FER: variants seen among roughly 807,000 people sequenced by gnomAD.
FER encodes the protein tyrosine-protein kinase Fer.
In FER, 63 loss-of-function variants were observed where a neutral mutation model predicts 111.0. The observed-to-expected ratio is 0.57, with a 90% CI of 0.46 to 0.70. The LOEUF is 0.70. Ranked by LOEUF, FER falls within the 30% of genes least tolerant of loss-of-function variation. FER has a pLI of 0.00. For missense variants in FER, 914 were observed against 954.0 expected, an observed-to-expected ratio of 0.96 and a Z score of 0.55; for synonymous variants, 327 against 313.9, an observed-to-expected ratio of 1.04 and a Z score of -0.44.
At chr5:108,974,826 G>T (rs1271699204) in intron 13 of FER, among the ~76,000 whole-genome samples, 2 of 152,194 alleles carry the variant, frequency 1.3e-5, no homozygotes, top group African/African-American at 4.8e-5. Context: ...GCAAGAAATA[G>T]ATTATTTCCT....
At chr5:108,918,789 G>A (rs1452694781) in intron 10 of FER, among the ~76,000 whole-genome samples, 3 of 152,102 alleles carry the variant, frequency 2.0e-5, no homozygotes, top group Non-Finnish European at 4.4e-5. Flanking sequence ...GCCCCGCCTT[G>A]GACTGGGTGT....
In FER at chr5:109,055,860, A is replaced by AAC. The variant is rs1443511429; in HGVS notation, c.1924+8663_1924+8664insCA. 1.1e-3 allele frequency among the ~76,000 whole-genome samples: 174 copies of AAC among 151,334 alleles called. 2 individuals carry two copies. The highest frequency in any genetic ancestry group is 4.1e-3 in the African/African-American group (170 of 41,376). On this transcript the variant is annotated intron_variant, in intron 16 of 19. Coordinates refer to ENST00000281092, the MANE Select transcript of FER (RefSeq NM_005246.4). ...GAGCAAAACATTGTCTCAAAAAAAA[A>AAC]AAAAAACCCAAAAAACAAAAACAAA...
chr5:108,816,632 A>G (rs1025575824), intron 3 of FER, among the ~76,000 whole-genome samples: 2 of 152,044 alleles, frequency 1.3e-5, no homozygotes, highest in African/African-American at 4.8e-5. Flanking sequence ...TGTGGTTTTT[A>G]TTCTGTAATT....
intron 1 of FER, among the ~76,000 whole-genome samples, chr5:108,750,282 T>G (rs1750324040): frequency 6.6e-6 from 1 of 150,974 alleles, no homozygotes; most frequent in Non-Finnish European, 1.5e-5. Flanking sequence ...AAAAAAAAAC[T>G]ATTGCAAAAT....
intron 17 of FER, among the ~76,000 whole-genome samples, chr5:109,123,152 G>T (rs1751211975): frequency 4.0e-5 from 5 of 125,330 alleles, no homozygotes; most frequent in East Asian, 2.1e-4. Flanking sequence ...CTTCCTTCCT[G>T]TCTTGTTTTT....
intron 17 of FER, among the ~76,000 whole-genome samples, chr5:109,107,614 C>T (rs1191045908): frequency 6.6e-6 from 1 of 152,090 alleles, no homozygotes; most frequent in Non-Finnish European, 1.5e-5. Flanking sequence ...TTTCCTTTAT[C>T]ATAAGGAAAG....
At chr5:109,173,401 G>A (rs2126810883) in intron 17 of FER, among the ~76,000 whole-genome samples, 1 of 152,356 alleles carries the variant, frequency 6.6e-6, no homozygotes, top group Middle Eastern at 3.4e-3. Context: ...CAATGGTTGA[G>A]GCATCCAAGC....
intron 1 of FER, among the ~76,000 whole-genome samples, chr5:108,761,304 C>G (rs1041603496): frequency 6.6e-6 from 1 of 152,046 alleles, no homozygotes; most frequent in South Asian, 2.1e-4. Flanking sequence ...TGCAACTATT[C>G]CTTTTATTTG....
chr5:109,039,206 G>A (rs1195354992), intron 14 of FER, among the ~76,000 whole-genome samples: 2 of 146,112 alleles, frequency 1.4e-5, no homozygotes, highest in Non-Finnish European at 3.1e-5. Flanking sequence ...TGGCAGGAAC[G>A]CTGAGGGTTT....
At chr5:109,028,898 C>G (rs1035319856) in intron 13 of FER, among the ~76,000 whole-genome samples, 1 of 147,408 alleles carries the variant, frequency 6.8e-6, no homozygotes, top group Non-Finnish European at 1.5e-5. Context: ...TGATCACATA[C>G]CTGTTAACAT....
chr5:108,752,050 C>T (rs775150517), intron 1 of FER, among the ~76,000 whole-genome samples: 1 of 151,864 alleles, frequency 6.6e-6, no homozygotes, highest in African/African-American at 2.4e-5. Context: ...TACTATTTTT[C>T]CAAATTTCAT....
intron 13 of FER, among the ~76,000 whole-genome samples, chr5:109,003,234 T>C (rs1765041930): frequency 6.6e-6 from 1 of 152,154 alleles, no homozygotes; most frequent in Admixed American, 6.5e-5. Context: ...CCAACAATGA[T>C]AGACTGGATT....
intron 1 of FER, among the ~76,000 whole-genome samples, chr5:108,756,021 G>T (rs1007541042): frequency 6.6e-6 from 1 of 150,666 alleles, no homozygotes; most frequent in African/African-American, 2.4e-5. Flanking sequence ...GGGTGTGATG[G>T]CACGCACCTG....
intron 17 of FER, among the ~76,000 whole-genome samples, chr5:109,165,547 T>G (rs1254806633): frequency 2.0e-5 from 3 of 151,872 alleles, no homozygotes; most frequent in Non-Finnish European, 4.4e-5. Flanking sequence ...GAAGGGTCAC[T>G]TTTAGGGAAA....
At position 109,044,784 on chromosome 5, in the gene FER, A is replaced by G. The variant is rs1177213776; in HGVS notation, c.1818A>G (p.Leu606=). ...CTCAGGAATTGAAAATAAAATTTTT[A>G]CAAGAAGCCAAGTGAGTTATTTAAA... ...DLPQELKIKF[L]QEAKILKQYD... Residue 606 remains leucine, a synonymous_variant, in exon 15 of 20, where the codon TTA becomes TTG. Coordinates refer to ENST00000281092, the MANE Select transcript of FER (RefSeq NM_005246.4). 14 of 1,518,496 alleles carry G rather than the reference A, an allele frequency of 9.2e-6. No homozygotes were observed. Among genetic ancestry groups the G allele is most frequent in the Non-Finnish European group, 1.3e-5 (14 of 1,115,072 alleles). The allele number at this position is 1,518,496 out of a possible 1,614,324, so 94.1% of individuals were successfully genotyped here. A position where few individuals can be genotyped will look rare whatever the true frequency, so the allele number is the denominator to read the frequency against.
intron 13 of FER, among the ~76,000 whole-genome samples, chr5:109,011,251 T>C (rs10515397): frequency 0.095 from 14,480 of 152,204 alleles, 942 homozygotes; most frequent in Non-Finnish European, 0.13. Flanking sequence ...AGTGAGATAT[T>C]GAGAAGATGT....
At chr5:108,979,474 G>A (rs866924535) in intron 13 of FER, among the ~76,000 whole-genome samples, 89 of 152,224 alleles carry the variant, frequency 5.8e-4, no homozygotes, top group African/African-American at 2.1e-3. Flanking sequence ...GATGTATTAA[G>A]CATTTAAATA....
chr5:109,117,195 CA>C (rs1750353589), intron 17 of FER, among the ~76,000 whole-genome samples: 1 of 152,028 alleles, frequency 6.6e-6, no homozygotes, highest in East Asian at 1.9e-4. Context: ...AATGGCAAAC[CA>C]GAAAGATTTA....
intron 16 of FER, chr5:109,051,576 A>T: frequency 6.2e-7 from 1 of 1,609,668 alleles, no homozygotes; most frequent in Non-Finnish European, 8.5e-7. Context: ...GGCAAGAAGA[A>T]TTGTTTCTGT....
Sources: allele counts gnomAD v4.1 joint callset (sites outside exome capture counted in the v4.1 genomes callset), GRCh38; gene constraint gnomAD v4.1.1; transcripts MANE v1.5; gene names NCBI Gene and HGNC (gene_info 2026-07-23, HGNC 2026-07-21).